TM9SF3: variants seen among roughly 807,000 people sequenced by gnomAD.
TM9SF3 encodes the protein transmembrane 9 superfamily member 3.
A neutral mutation model predicts 78.6 loss-of-function variants in TM9SF3; 14 were observed. The ratio of observed to expected loss-of-function variants is 0.18; its 90% confidence interval spans 0.12 to 0.28. The LOEUF (loss-of-function observed/expected upper bound fraction) is 0.28, where lower values mean the gene tolerates loss of function less well. Ranked by LOEUF, TM9SF3 falls within the 10% of genes least tolerant of loss-of-function variation. The pLI is 1.00. For synonymous variants in TM9SF3, 231 were observed against 241.7 expected (o/e 0.96, Z 0.41); for missense variants, 496 against 721.9 (o/e 0.69, Z 3.59).
Position 96,520,943 on chromosome 10 carries a change from A to T in TM9SF3, c.*1320T>A. 2.5e-6 allele frequency: 1 copy of T among 397,286 alleles called. No individual in the cohort carries two copies. The allele number at this position is 397,286 out of a possible 1,614,324, so 24.6% of individuals were successfully genotyped here. A position where few individuals can be genotyped will look rare whatever the true frequency, so the allele number is the denominator to read the frequency against. On this transcript the variant is annotated 3_prime_UTR_variant, in exon 15 of 15. Transcript: ENST00000371142. The stretch of plus-strand genomic sequence containing the variant: ...CGGTAATTTTGCCTTCTGGACAGAA[A>T]GATATCTTCAAATTGCAAACACATC...
intron 2 of TM9SF3, among the ~76,000 whole-genome samples, chr10:96,574,556 A>G (rs1202956612): frequency 1.3e-5 from 2 of 152,252 alleles, no homozygotes; most frequent in African/African-American, 2.4e-5. Flanking sequence ...CATTTGACCC[A>G]GCAATCCCAT....
intron 1 of TM9SF3, among the ~76,000 whole-genome samples, chr10:96,579,085 G>A (rs1848531332): frequency 6.6e-6 from 1 of 152,176 alleles, no homozygotes; most frequent in Non-Finnish European, 1.5e-5. Flanking sequence ...CTCACAAGAA[G>A]AACCTATTCA....
At chr10:96,568,591 A>G (rs2134155162) in intron 2 of TM9SF3, among the ~76,000 whole-genome samples, 1 of 152,336 alleles carries the variant, frequency 6.6e-6, no homozygotes, top group East Asian at 1.9e-4. Context: ...AGAAAGTGGT[A>G]ATTATTCATG....
chr10:96,537,425 G>A (rs929854069), intron 9 of TM9SF3, among the ~76,000 whole-genome samples: 4 of 152,206 alleles, frequency 2.6e-5, no homozygotes, highest in African/African-American at 9.7e-5. Context: ...GTTTGTGTAA[G>A]TACACTCTGA....
At chr10:96,560,626 G>A in intron 4 of TM9SF3, 1 of 650,308 alleles carries the variant, frequency 1.5e-6, no homozygotes, top group Non-Finnish European at 2.9e-6. Context: ...GGAGGTGGTA[G>A]CAAGGTTCCA....
chr10:96,530,540 AT>A lies in TM9SF3; in HGVS notation c.1393del (p.Met465CysfsTer20). 6.2e-7 allele frequency: 1 copy of A among 1,609,684 alleles called. No individual in the cohort carries two copies. Among genetic ancestry groups the A allele is most frequent in the Non-Finnish European group, 8.5e-7 (1 of 1,177,246 alleles). Reference protein sequence around the residue: ...ILPFGSIFIEMYFIFTSFWAY... With the variant: ...ILPFGSIFIEXYFIFTSFWAY... The stretch of plus-strand genomic sequence containing the variant: ...ACATAAATACATTATCAAAACTTAC[AT>A]TTCAATAAAGATTGAACCAAAAGGT... On this transcript the variant is annotated frameshift_variant and splice_region_variant, in exon 11 of 15. Coordinates refer to ENST00000371142, the MANE Select transcript of TM9SF3 (RefSeq NM_020123.4). LOFTEE classifies it high-confidence loss of function.
chr10:96,563,530 C>A (rs1848334835), intron 3 of TM9SF3, among the ~76,000 whole-genome samples: 1 of 152,136 alleles, frequency 6.6e-6, no homozygotes, highest in African/African-American at 2.4e-5. Context: ...TGTGCACCAC[C>A]ATGCACAGCT....
rs1847762443 is a variant in TM9SF3 at position 96,521,108 on chromosome 10, C to A, written c.*1155G>T. 1.0e-5 allele frequency: 4 copies of A among 382,038 alleles called. No individual in the cohort carries two copies. The highest frequency in any genetic ancestry group is 4.7e-6 in the Non-Finnish European group (1 of 214,996). 23.7% of individuals were successfully genotyped at this position (382,038 alleles called of 1,614,324 possible). ...TTACAAATTTGGCTCCTGTAGGAGT[C>A]TCAGAAAATAAACAGAAGAAAACAA... On this transcript the variant is annotated 3_prime_UTR_variant, in exon 15 of 15. Transcript: ENST00000371142.
chr10:96,574,179 C>G (rs1401784538), intron 2 of TM9SF3, among the ~76,000 whole-genome samples: 1 of 152,110 alleles, frequency 6.6e-6, no homozygotes, highest in African/African-American at 2.4e-5. Flanking sequence ...ATCCATCTGA[C>G]AAAGGGCTAA....
At chr10:96,527,142 C>T (rs2134129114) in intron 14 of TM9SF3, 71 bp downstream of exon 14, 2 of 1,324,760 alleles carry the variant, frequency 1.5e-6, no homozygotes, top group East Asian at 2.3e-5. Flanking sequence ...TCTTAATTTC[C>T]AATTACTGTA....
intron 2 of TM9SF3, among the ~76,000 whole-genome samples, chr10:96,574,929 G>C (rs181257646): frequency 2.0e-5 from 3 of 152,182 alleles, no homozygotes; most frequent in African/African-American, 7.2e-5. Flanking sequence ...GTCAGGGGGT[G>C]GGGGGCTAGG....
At chr10:96,573,548 G>A (rs1186053431) in intron 2 of TM9SF3, among the ~76,000 whole-genome samples, 1 of 152,102 alleles carries the variant, frequency 6.6e-6, no homozygotes, top group Non-Finnish European at 1.5e-5. Flanking sequence ...ATAACACTTG[G>A]CTAGCTCTTC....
chr10:96,531,652 C>T (rs187461336), intron 10 of TM9SF3, among the ~76,000 whole-genome samples: 218 of 152,192 alleles, frequency 1.4e-3, no homozygotes, highest in African/African-American at 5.2e-3. Flanking sequence ...CAAGGTGACA[C>T]AGTCAATGAG....
In TM9SF3 at chr10:96,519,035, C is replaced by T. The variant is rs2134124043; in HGVS notation, c.*3228G>A. 6.6e-6 allele frequency: 1 copy of T among 152,154 alleles called. No individual in the cohort carries two copies. Among genetic ancestry groups the T allele is most frequent in the South Asian group, 2.1e-4 (1 of 4,820 alleles). The allele number at this position is 152,154 out of a possible 1,614,324, so 9.4% of individuals were successfully genotyped here. On this transcript the variant is annotated 3_prime_UTR_variant, in exon 15 of 15. Coordinates refer to ENST00000371142, the MANE Select transcript of TM9SF3 (RefSeq NM_020123.4). ...TATAGATTACAAATGGGTCTCCCCA[C>T]CACAGAATTCATATACAAAAGCCCT... is the stretch of plus-strand genomic sequence containing the variant.
rs1848639228 is a variant in TM9SF3, at chr10:96,586,858, A to AGCCGGCTC, written c.-31_-24dup. The AGCCGGCTC allele has an allele frequency of 1.0e-5, 12 of 1,199,246 alleles. No individual in the cohort carries two copies. Among genetic ancestry groups the AGCCGGCTC allele is most frequent in the Non-Finnish European group, 1.1e-5 (11 of 969,540 alleles). The allele number at this position is 1,199,246 out of a possible 1,614,324, so 74.3% of individuals were successfully genotyped here. On this transcript the variant is annotated 5_prime_UTR_variant, in exon 1 of 15. Coordinates refer to ENST00000371142, the MANE Select transcript of TM9SF3 (RefSeq NM_020123.4). ...CATCCTCCGCGCCCCTCCGGCCCGG[A>AGCCGGCTC]GCCGGCTCACCGACTCCTCCTCCCG...
intron 3 of TM9SF3, 44 bp downstream of exon 3, chr10:96,565,260 T>C: frequency 6.9e-7 from 1 of 1,454,144 alleles, no homozygotes; most frequent in Non-Finnish European, 9.0e-7. Context: ...AAATTCTGAT[T>C]ATGCAAATTT....
At chr10:96,553,595 T>C (rs971608070) in intron 5 of TM9SF3, among the ~76,000 whole-genome samples, 4 of 149,052 alleles carry the variant, frequency 2.7e-5, no homozygotes, top group East Asian at 3.8e-4. Context: ...TAAACTATTA[T>C]AGCTGGCTGC....
intron 5 of TM9SF3, among the ~76,000 whole-genome samples, chr10:96,555,656 T>G (rs1262016728): frequency 6.6e-6 from 1 of 152,194 alleles, no homozygotes; most frequent in Non-Finnish European, 1.5e-5. Context: ...CAGAAGACTA[T>G]TCCTTACTTC....
At chr10:96,529,977 A>G (rs1416684306) in intron 11 of TM9SF3, among the ~76,000 whole-genome samples, 1 of 152,212 alleles carries the variant, frequency 6.6e-6, no homozygotes, top group African/African-American at 2.4e-5. Flanking sequence ...GGGGACATAG[A>G]CTAAGAAAAG....
Sources: gnomAD v4.1 joint callset for allele counts (sites outside exome capture counted in the v4.1 genomes callset) on GRCh38, gnomAD v4.1.1 for gene constraint, MANE v1.5 for transcripts, NCBI Gene and HGNC (gene_info 2026-07-23, HGNC 2026-07-21) for gene names.